Variants in TLL2 observed in about 807,000 individuals in gnomAD.
The protein encoded by TLL2 is tolloid like 2, also known as tolloid-like protein 2.
A neutral mutation model predicts 123.0 loss-of-function variants in TLL2; 106 were observed. The observed-to-expected ratio is 0.86, with a 90% confidence interval of 0.74 to 1.01. The LOEUF (loss-of-function observed/expected upper bound fraction) is 1.01. Among genes scored for constraint, TLL2 ranks in the 50% least tolerant of loss-of-function variants. TLL2 has a pLI of 0.00. For missense variants in TLL2, 1,332 were observed against 1,336.7 expected, an observed-to-expected ratio of 1.00 and a Z score of 0.06; for synonymous variants, 494 against 516.8, an observed-to-expected ratio of 0.96 and a Z score of 0.60.
rs1213054943 is a variant in TLL2 at position 96,513,909 on chromosome 10, TGCG to T, written c.-227_-225del. On this transcript the variant is annotated 5_prime_UTR_variant, in exon 1 of 21. Coordinates refer to ENST00000357947, the MANE Select transcript of TLL2 (RefSeq NM_012465.4). ...GAGCTACTTGCCCGGCGGCCGAGGC[TGCG>T]GCGGCTGCGAGTGTGGCGGTGGCGG... The T allele has an allele frequency of 1.4e-5, 7 of 504,380 alleles. No homozygotes were observed. The African/African-American group carries it at 1.4e-4, about 10-fold the overall frequency. The allele number at this position is 504,380 out of a possible 1,614,324, so 31.2% of individuals were successfully genotyped here. A position where few individuals can be genotyped will look rare whatever the true frequency, so the allele number is the denominator to read the frequency against.
intron 20 of TLL2, among the ~76,000 whole-genome samples, chr10:96,369,175 T>C (rs1177418274): frequency 1.3e-5 from 2 of 152,158 alleles, no homozygotes; most frequent in African/African-American, 4.8e-5. Flanking sequence ...TCCAGTGCGG[T>C]GCAGCCAGGG....
rs1847604920 is a variant in TLL2, at chr10:96,509,314, G to T, written c.175+4197C>A. Among the ~76,000 whole-genome samples the T allele has an allele frequency of 3.3e-5, 5 of 152,162 alleles. No homozygotes were observed. The South Asian group carries it at 1.0e-3, about 32-fold the overall frequency. On this transcript the variant is annotated intron_variant, in intron 1 of 20. Transcript: ENST00000357947. ...TCATGAACATAATAAAACAGAGGTT[G>T]TTCTACCCCACTGGTCTGGAATGCT...
chr10:96,510,518 C>T (rs1002399170), intron 1 of TLL2, among the ~76,000 whole-genome samples: 1 of 152,208 alleles, frequency 6.6e-6, no homozygotes, highest in Non-Finnish European at 1.5e-5. Context: ...TTCTTTCCAT[C>T]AGTTTCTAGA....
intron 1 of TLL2, among the ~76,000 whole-genome samples, chr10:96,511,659 G>A (rs1374337793): frequency 6.6e-6 from 1 of 152,240 alleles, no homozygotes; most frequent in East Asian, 1.9e-4. Context: ...ATCCTCCAAG[G>A]CTGAGACGGG....
At chr10:96,412,087 T>C (rs745594078) in intron 8 of TLL2, among the ~76,000 whole-genome samples, 3 of 152,166 alleles carry the variant, frequency 2.0e-5, no homozygotes, top group Non-Finnish European at 4.4e-5. Context: ...TTTCCCAGGG[T>C]ATGCTATAAG....
Position 96,370,059 on chromosome 10 carries a change from A to T in TLL2, c.2913+6T>A, listed in dbSNP as rs1459401141. On this transcript the variant is annotated splice_donor_region_variant and intron_variant, in intron 20 of 20. Coordinates refer to ENST00000357947, the MANE Select transcript of TLL2 (RefSeq NM_012465.4). ...CTGCCCCGGCCCCAGCGTCTCCGGG[A>T]CTTACCCCAGAGCCACAGAAGCGGC... The T allele has an allele frequency of 6.3e-7, 1 of 1,576,902 alleles. No homozygotes were observed. Among genetic ancestry groups the T allele is most frequent in the Non-Finnish European group, 8.6e-7 (1 of 1,161,728 alleles).
chr10:96,449,925 TTC>T (rs1267505036), intron 2 of TLL2, among the ~76,000 whole-genome samples: 1 of 152,190 alleles, frequency 6.6e-6, no homozygotes, highest in African/African-American at 2.4e-5. Context: ...GTAAAAGTCA[TTC>T]TCTCTGTTCC....
intron 10 of TLL2, among the ~76,000 whole-genome samples, chr10:96,404,432 C>G (rs1846429648): frequency 2.0e-5 from 3 of 152,172 alleles, no homozygotes; most frequent in Admixed American, 2.0e-4. Context: ...CCAAGAACAA[C>G]AGAATACATT....
chr10:96,470,727 GC>G (rs1304176373), intron 2 of TLL2, among the ~76,000 whole-genome samples: 1 of 152,162 alleles, frequency 6.6e-6, no homozygotes, highest in East Asian at 1.9e-4. Flanking sequence ...CCAATGATTA[GC>G]TGTATGCTCA....
chr10:96,393,016 A>G (rs1472984187), intron 13 of TLL2, among the ~76,000 whole-genome samples: 1 of 152,226 alleles, frequency 6.6e-6, no homozygotes, highest in Non-Finnish European at 1.5e-5. Context: ...TGGCATGAGA[A>G]TGACACACTG....
intron 1 of TLL2, among the ~76,000 whole-genome samples, chr10:96,502,282 T>C (rs986874497): frequency 2.0e-5 from 3 of 152,012 alleles, no homozygotes; most frequent in Admixed American, 6.6e-5. Context: ...CCAAGTGCAA[T>C]GGGGTGACAT....
intron 1 of TLL2, among the ~76,000 whole-genome samples, chr10:96,489,958 T>C (rs1458130924): frequency 6.6e-6 from 1 of 151,968 alleles, no homozygotes; most frequent in Non-Finnish European, 1.5e-5. Flanking sequence ...TAGCCAGGCG[T>C]GGTTGTGCGC....
At chr10:96,415,182 C>T (rs1416465850) in intron 7 of TLL2, among the ~76,000 whole-genome samples, 2 of 152,170 alleles carry the variant, frequency 1.3e-5, no homozygotes, top group Admixed American at 1.3e-4. Flanking sequence ...TCTTTAATCC[C>T]ATAACCAAAA....
intron 3 of TLL2, among the ~76,000 whole-genome samples, chr10:96,437,684 C>G (rs1846810316): frequency 6.6e-6 from 1 of 152,198 alleles, no homozygotes; most frequent in Non-Finnish European, 1.5e-5. Flanking sequence ...ATGCTCTTCT[C>G]ACTCAGCATA....
chr10:96,475,847 G>C (rs976399093), intron 2 of TLL2, among the ~76,000 whole-genome samples: 10 of 152,130 alleles, frequency 6.6e-5, no homozygotes, highest in African/African-American at 2.4e-4. Context: ...ATTATGGGAC[G>C]GGTCTTTCCC....
At chr10:96,469,736 T>C (rs1847161079) in intron 2 of TLL2, among the ~76,000 whole-genome samples, 1 of 152,136 alleles carries the variant, frequency 6.6e-6, no homozygotes, top group Admixed American at 6.5e-5. Context: ...ATCTCCTTAA[T>C]GGTGGGAGAA....
chr10:96,471,791 C>T (rs1000377758), intron 2 of TLL2, among the ~76,000 whole-genome samples: 16 of 152,030 alleles, frequency 1.1e-4, no homozygotes, highest in African/African-American at 3.9e-4. Context: ...TGCCCATGGT[C>T]GCAGCTCCAA....
chr10:96,388,006 C>T (rs1385969878), intron 13 of TLL2, among the ~76,000 whole-genome samples: 1 of 152,170 alleles, frequency 6.6e-6, no homozygotes, highest in African/African-American at 2.4e-5. Flanking sequence ...AACACTGAGA[C>T]ATCTTTTTCA....
chr10:96,512,515 G>A (rs997899151), intron 1 of TLL2, among the ~76,000 whole-genome samples: 9 of 152,180 alleles, frequency 5.9e-5, no homozygotes, highest in African/African-American at 2.2e-4. Flanking sequence ...TGGAGGTCGC[G>A]CTCTTCCCTC....
Sources: gnomAD v4.1 joint callset for allele counts (sites outside exome capture counted in the v4.1 genomes callset) on GRCh38, gnomAD v4.1.1 for gene constraint, MANE v1.5 for transcripts, NCBI Gene and HGNC (gene_info 2026-07-23, HGNC 2026-07-21) for gene names.